ARHGEF4: variants seen among roughly 807,000 people sequenced by gnomAD.
The protein encoded by ARHGEF4 is APC-stimulated guanine nucleotide exchange factor 1.
A neutral mutation model predicts 162.0 loss-of-function variants in ARHGEF4; 119 were observed. That is an observed-to-expected ratio of 0.73 (90% CI 0.63 to 0.86). The LOEUF is 0.86. ARHGEF4 is among the 40% of genes least tolerant of loss of function. ARHGEF4 has a pLI of 0.00. For missense variants in ARHGEF4, 2,488 were observed against 2,456.0 expected, an observed-to-expected ratio of 1.01 and a Z score of -0.28; for synonymous variants, 1,014 against 979.9, an observed-to-expected ratio of 1.03 and a Z score of -0.65.
At chr2:130,960,298 C>T (rs758245910) in intron 4 of ARHGEF4, among the ~76,000 whole-genome samples, 10 of 152,186 alleles carry the variant, frequency 6.6e-5, no homozygotes, top group Admixed American at 1.3e-4. Context: ...TGTACCATTA[C>T]GATGTTAATA....
intron 3 of ARHGEF4, 148 bp downstream of exon 3, chr2:130,931,405 GC>G: frequency 1.2e-6 from 1 of 845,230 alleles, no homozygotes; most frequent in Non-Finnish European, 1.8e-6. Flanking sequence ...TGCTGCCTGG[GC>G]CACACTCAGT....
chr2:130,904,004 T>A (rs943090434), intron 1 of ARHGEF4, among the ~76,000 whole-genome samples: 1 of 152,242 alleles, frequency 6.6e-6, no homozygotes, highest in Admixed American at 6.5e-5. Context: ...CTCTTTGATA[T>A]AATGATTTCT....
At chr2:130,982,023 G>A (rs1686152537) in intron 4 of ARHGEF4, among the ~76,000 whole-genome samples, 1 of 151,948 alleles carries the variant, frequency 6.6e-6, no homozygotes, top group South Asian at 2.1e-4. Context: ...TTTTGAGATG[G>A]AGTCCTACTC....
intron 4 of ARHGEF4, among the ~76,000 whole-genome samples, chr2:130,987,080 G>A (rs903237082): frequency 3.9e-5 from 6 of 152,348 alleles, no homozygotes; most frequent in African/African-American, 1.4e-4. Flanking sequence ...GACCCCCACA[G>A]TGGGGAGGAG....
chr2:131,028,548 C>T (rs920034172), intron 5 of ARHGEF4, among the ~76,000 whole-genome samples: 6 of 152,240 alleles, frequency 3.9e-5, no homozygotes, highest in Admixed American at 2.0e-4. Context: ...ATGACAACTG[C>T]GTGCAAGTTG....
intron 4 of ARHGEF4, among the ~76,000 whole-genome samples, chr2:130,991,020 T>G (rs1686916290): frequency 6.6e-6 from 1 of 152,208 alleles, no homozygotes; most frequent in Non-Finnish European, 1.5e-5. Context: ...TTGAGAAAGT[T>G]ATATATCCAG....
chr2:130,937,120 A>G (rs576906989), intron 3 of ARHGEF4, among the ~76,000 whole-genome samples: 7 of 148,504 alleles, frequency 4.7e-5, no homozygotes. Flanking sequence ...CATGTTGGTC[A>G]GGCTGGTCTT....
intron 1 of ARHGEF4, among the ~76,000 whole-genome samples, chr2:130,913,507 G>T (rs1681314400): frequency 3.3e-5 from 5 of 151,924 alleles, no homozygotes; most frequent in Admixed American, 3.3e-4. Context: ...TGTACTTTTT[G>T]TGTTTTTTTG....
intron 3 of ARHGEF4, among the ~76,000 whole-genome samples, chr2:130,942,185 T>A (rs1032862302): frequency 6.6e-6 from 1 of 150,446 alleles, no homozygotes; most frequent in African/African-American, 2.4e-5. Flanking sequence ...AGTCTTGCTT[T>A]GTCACTCAGG....
chr2:130,908,019 T>C (rs1574206421), intron 1 of ARHGEF4, among the ~76,000 whole-genome samples: 1 of 152,114 alleles, frequency 6.6e-6, no homozygotes, highest in African/African-American at 2.4e-5. Context: ...TTCACTTTGG[T>C]AAGTATCTAA....
intron 4 of ARHGEF4, among the ~76,000 whole-genome samples, chr2:131,002,557 A>T (rs1434806269): frequency 6.6e-6 from 1 of 152,062 alleles, no homozygotes; most frequent in Non-Finnish European, 1.5e-5. Flanking sequence ...AAAAATACAA[A>T]AAATTAGCTG....
intron 4 of ARHGEF4, among the ~76,000 whole-genome samples, chr2:131,018,331 G>T (rs1288853538): frequency 4.6e-5 from 7 of 152,180 alleles, no homozygotes; most frequent in Non-Finnish European, 2.9e-5. Context: ...CTAATGATTA[G>T]TGATGTCGTA....
At chr2:130,843,412 G>A (rs57219202) in intron 1 of ARHGEF4, among the ~76,000 whole-genome samples, 2,026 of 152,354 alleles carry the variant, frequency 0.013, 47 homozygotes, top group African/African-American at 0.046. Flanking sequence ...CCTGCATGGT[G>A]GAGTGGGTGG....
intron 1 of ARHGEF4, among the ~76,000 whole-genome samples, chr2:130,847,964 G>A (rs1287011203): frequency 6.6e-6 from 1 of 152,220 alleles, no homozygotes; most frequent in Non-Finnish European, 1.5e-5. Flanking sequence ...GCTGGGGTCT[G>A]TCTGTGGGCG....
At chr2:130,962,737 A>G (rs540328789) in intron 4 of ARHGEF4, among the ~76,000 whole-genome samples, 78 of 151,296 alleles carry the variant, frequency 5.2e-4, no homozygotes, top group Middle Eastern at 3.4e-3. Flanking sequence ...CTCCCTCTCA[A>G]TACTTCTGCT....
At chr2:130,848,519 T>C (rs1479391615) in intron 1 of ARHGEF4, among the ~76,000 whole-genome samples, 3 of 152,114 alleles carry the variant, frequency 2.0e-5, no homozygotes, top group Non-Finnish European at 4.4e-5. Flanking sequence ...CTGGAAGCCC[T>C]CCCCACATGG....
intron 1 of ARHGEF4, among the ~76,000 whole-genome samples, chr2:130,891,661 A>C (rs961635420): frequency 6.6e-6 from 1 of 152,188 alleles, no homozygotes; most frequent in East Asian, 1.9e-4. Flanking sequence ...TTCTGATTGC[A>C]TCCTCACATG....
chr2:130,914,819 T>C lies in ARHGEF4; in HGVS notation c.873T>C (p.Asp291=). 3.4e-6 allele frequency: 5 copies of C among 1,453,496 alleles called. No individual in the cohort carries two copies. Among genetic ancestry groups the C allele is most frequent in the Middle Eastern group, 2.0e-4 (1 of 5,058 alleles). The allele number at this position is 1,453,496 out of a possible 1,614,324, so 90.0% of individuals were successfully genotyped here. Residue 291 remains aspartate (D), a synonymous_variant, in exon 2 of 14, where the codon GAT becomes GAC. Coordinates refer to ENST00000409359, the MANE Select transcript of ARHGEF4 (RefSeq NM_001367493.1). ...TGCTCTGGTCCCAGCCCCACTCGGA[T>C]GTCCCCTGCCAGCCTCCTTTGAGGA... ...TELLWSQPHS[D]VPCQPPLRTS... is the part of the protein sequence containing the mutation.
chr2:130,995,537 CATGTGCCTGGTT>C (rs1438228081), intron 4 of ARHGEF4, among the ~76,000 whole-genome samples: 3 of 152,170 alleles, frequency 2.0e-5, no homozygotes, highest in Non-Finnish European at 4.4e-5. Flanking sequence ...CTCTCCTCCA[CATGTGCCTGGTT>C]ATATTTTATT....
Sources: gnomAD v4.1 joint callset for allele counts (sites outside exome capture counted in the v4.1 genomes callset) on GRCh38, gnomAD v4.1.1 for gene constraint, MANE v1.5 for transcripts, NCBI Gene and HGNC (gene_info 2026-07-23, HGNC 2026-07-21) for gene names.